The following ROBO2 variants were observed in gnomAD, a reference collection of about 807,000 sequenced individuals.
ROBO2 encodes the protein roundabout guidance receptor 2, also known as roundabout homolog 2.
Under a neutral mutation model 160.8 loss-of-function variants are expected in ROBO2, and 53 were observed. The observed-to-expected ratio is 0.33, with a 90% CI of 0.26 to 0.41. The LOEUF (loss-of-function observed/expected upper bound fraction) is 0.41, where lower values mean the gene tolerates loss of function less well. Ranked by LOEUF, ROBO2 falls within the 10% of genes least tolerant of loss-of-function variation. The pLI, the probability that ROBO2 is intolerant of heterozygous loss-of-function variation, is 1.00. For synonymous variants in ROBO2, 664 were observed against 611.7 expected, an observed-to-expected ratio of 1.09 and a Z score of -1.26; for missense variants, 1,577 against 1,722.4, an observed-to-expected ratio of 0.92 and a Z score of 1.49.
chr3:77,372,847 G>T (rs2071978967), intron 2 of ROBO2, among the ~76,000 whole-genome samples: 1 of 151,846 alleles, frequency 6.6e-6, no homozygotes, highest in African/African-American at 2.4e-5. Flanking sequence ...AGATTTCTAA[G>T]CCAAGCTTCT....
intron 2 of ROBO2, among the ~76,000 whole-genome samples, chr3:77,424,884 C>T (rs1450882577): frequency 6.6e-6 from 1 of 152,126 alleles, no homozygotes; most frequent in Non-Finnish European, 1.5e-5. Flanking sequence ...ATGACATCTA[C>T]AGGTTATAGA....
At chr3:77,077,804 C>T (rs1197503033) in intron 1 of ROBO2, among the ~76,000 whole-genome samples, 1 of 152,164 alleles carries the variant, frequency 6.6e-6, no homozygotes, top group African/African-American at 2.4e-5. Context: ...TTGGAGTGTA[C>T]TGGTGGCTCA....
chr3:77,418,816 T>A (rs1384159145), intron 2 of ROBO2, among the ~76,000 whole-genome samples: 1 of 152,030 alleles, frequency 6.6e-6, no homozygotes. Context: ...GAAAAAATTG[T>A]TAAGGAGTGT....
intron 2 of ROBO2, among the ~76,000 whole-genome samples, chr3:76,654,095 A>G (rs2109931660): frequency 6.6e-6 from 1 of 152,184 alleles, no homozygotes; most frequent in East Asian, 1.9e-4. Flanking sequence ...TAATCTAAGC[A>G]CTCTGTCATG....
chr3:76,952,119 T>C (rs1042205148), intron 2 of ROBO2, among the ~76,000 whole-genome samples: 5 of 152,192 alleles, frequency 3.3e-5, no homozygotes, highest in Admixed American at 2.0e-4. Flanking sequence ...AGACCTCCCA[T>C]CCCATAGTAG....
intron 2 of ROBO2, among the ~76,000 whole-genome samples, chr3:76,284,434 A>G (rs1055926769): frequency 1.2e-4 from 19 of 152,186 alleles, no homozygotes; most frequent in African/African-American, 4.6e-4. Context: ...AAACTTAATC[A>G]TCTTAACCTT....
chr3:76,738,526 GT>G (rs2093751263), intron 2 of ROBO2, among the ~76,000 whole-genome samples: 1 of 152,152 alleles, frequency 6.6e-6, no homozygotes, highest in East Asian at 1.9e-4. Flanking sequence ...ATCGCCACTT[GT>G]CCCCTGGAGG....
chr3:76,793,577 C>T (rs1475496647), intron 2 of ROBO2, among the ~76,000 whole-genome samples: 1 of 151,742 alleles, frequency 6.6e-6, no homozygotes, highest in African/African-American at 2.4e-5. Context: ...GGAGTAAAAT[C>T]ATAATAGTGA....
At chr3:76,655,195 A>G (rs1172780691) in intron 2 of ROBO2, among the ~76,000 whole-genome samples, 1 of 150,110 alleles carries the variant, frequency 6.7e-6, no homozygotes, top group Non-Finnish European at 1.5e-5. Context: ...ATCGTAAGAG[A>G]ATAGTCAAAA....
intron 2 of ROBO2, among the ~76,000 whole-genome samples, chr3:76,101,379 G>T (rs140043584): frequency 6.6e-6 from 1 of 152,016 alleles, no homozygotes; most frequent in East Asian, 1.9e-4. Context: ...GGGAGGGGAC[G>T]ATCACACTTT....
At chr3:77,026,257 T>C (rs1447784665) in intron 2 of ROBO2, among the ~76,000 whole-genome samples, 1 of 152,298 alleles carries the variant, frequency 6.6e-6, no homozygotes, top group East Asian at 1.9e-4. Flanking sequence ...AGCTGTGTTA[T>C]ATTAAGGATG....
At chr3:76,881,136 T>A (rs1454464503) in intron 2 of ROBO2, among the ~76,000 whole-genome samples, 1 of 152,230 alleles carries the variant, frequency 6.6e-6, no homozygotes, top group East Asian at 1.9e-4. Flanking sequence ...AAATAGTCAC[T>A]GGCAATCATT....
At chr3:77,284,127 A>G (rs897608127) in intron 2 of ROBO2, among the ~76,000 whole-genome samples, 1 of 152,172 alleles carries the variant, frequency 6.6e-6, no homozygotes. Flanking sequence ...ATTTTATTTT[A>G]GCACAGTCAT....
At chr3:77,579,970 G>A (rs781299217) in exon 16 of ROBO2, 18 of 1,613,404 alleles carry the variant, frequency 1.1e-5, no homozygotes, top group Middle Eastern at 1.6e-4. Context: ...GAAATGAAAC[G>A]CGATTCCATA....
chr3:77,435,392 CTTT>C (rs1220469001), intron 2 of ROBO2, among the ~76,000 whole-genome samples: 1 of 151,914 alleles, frequency 6.6e-6, no homozygotes, highest in Non-Finnish European at 1.5e-5. Context: ...ATGAAAAACA[CTTT>C]TTAAGCCAAA....
rs141430746 is a variant in ROBO2, at chr3:77,196,408, T to C, written c.388+98068T>C. On this transcript the variant is annotated intron_variant, in intron 2 of 25. Transcript: ENST00000461745. Reference sequence around the variant, plus strand: ...CCAGATCTCTTTGGAATTGCTAAATTGTTTTTGTGTTTTTGAAAGTTTGCA... The same window carrying C: ...CCAGATCTCTTTGGAATTGCTAAATCGTTTTTGTGTTTTTGAAAGTTTGCA... Among the ~76,000 whole-genome samples, 40 of 151,988 alleles carry C rather than the reference T, an allele frequency of 2.6e-4. 1 individual carries two copies. The East Asian group carries it at 7.8e-3, about 30-fold the overall frequency.
chr3:76,429,419 T>G (rs1389408289), intron 2 of ROBO2, among the ~76,000 whole-genome samples: 1 of 152,212 alleles, frequency 6.6e-6, no homozygotes, highest in Non-Finnish European at 1.5e-5. Flanking sequence ...CAATTCCTAG[T>G]GCTATATAAT....
In ROBO2 at chr3:76,149,569, G is replaced by A. The variant is rs184180992; in HGVS notation, c.109+211967G>A. Among the ~76,000 whole-genome samples the A allele has an allele frequency of 1.3e-4, 17 of 133,230 alleles. 2 individuals are homozygous for A. In the East Asian group the frequency reaches 3.6e-3, roughly 28 times the overall value. The allele number at this position is 133,230 out of a possible 152,430, so 87.4% of individuals were successfully genotyped here. A position where few individuals can be genotyped will look rare whatever the true frequency, so the allele number is the denominator to read the frequency against. On this transcript the variant is annotated intron_variant, in intron 2 of 26. Transcript: ENST00000487694. ...CATCTGTCTAAAGCACACATCATCT[G>A]TCTAAAGCACACATCATCTGTCTAA...
chr3:76,630,005 C>T (rs1369090240), intron 2 of ROBO2, among the ~76,000 whole-genome samples: 2 of 152,072 alleles, frequency 1.3e-5, no homozygotes, highest in Admixed American at 1.3e-4. Context: ...AGGTGGCACC[C>T]GTTCCCTGAG....
Sources: gnomAD v4.1 joint callset for allele counts (sites outside exome capture counted in the v4.1 genomes callset) on GRCh38, gnomAD v4.1.1 for gene constraint, MANE v1.5 for transcripts, NCBI Gene and HGNC (gene_info 2026-07-23, HGNC 2026-07-21) for gene names.